The following NR3C2 variants were observed in gnomAD, a reference collection of about 807,000 sequenced individuals.
NR3C2 encodes the protein nuclear receptor subfamily 3 group C member 2.
A neutral mutation model predicts 86.4 loss-of-function variants in NR3C2; 15 were observed. That is an observed-to-expected ratio of 0.17 (90% CI 0.12 to 0.27). The LOEUF is 0.27. Ranked by LOEUF, NR3C2 falls within the 10% of genes least tolerant of loss-of-function variation. The pLI, the probability that NR3C2 is intolerant of heterozygous loss-of-function variation, is 1.00. For synonymous variants in NR3C2, 458 were observed against 450.5 expected (o/e 1.02, Z -0.21); for missense variants, 960 against 1,195.6 (o/e 0.80, Z 2.91).
At chr4:148,275,429 C>T (rs1740910208) in intron 2 of NR3C2, among the ~76,000 whole-genome samples, 2 of 151,554 alleles carry the variant, frequency 1.3e-5, no homozygotes, top group South Asian at 2.1e-4. Context: ...CCAATCTTAT[C>T]TTATCTTTTT....
At chr4:148,282,896 A>G (rs1488077298) in intron 2 of NR3C2, among the ~76,000 whole-genome samples, 5 of 152,194 alleles carry the variant, frequency 3.3e-5, no homozygotes, top group Non-Finnish European at 7.3e-5. Flanking sequence ...ACTGCAAAAA[A>G]GAGGCAAAGG....
chr4:148,182,332 C>T (rs542847567), intron 4 of NR3C2, among the ~76,000 whole-genome samples: 6 of 151,878 alleles, frequency 4.0e-5, no homozygotes, highest in African/African-American at 1.2e-4. Flanking sequence ...AGCAAGACTT[C>T]GAAATAAATC....
chr4:148,254,927 C>G (rs1739755124), intron 3 of NR3C2, among the ~76,000 whole-genome samples: 1 of 152,018 alleles, frequency 6.6e-6, no homozygotes, highest in Admixed American at 6.5e-5. Flanking sequence ...AATTATTCCC[C>G]CTACTTTATC....
chr4:148,309,426 G>A (rs1003439136), intron 2 of NR3C2, among the ~76,000 whole-genome samples: 6 of 151,690 alleles, frequency 4.0e-5, no homozygotes, highest in Non-Finnish European at 7.4e-5. Flanking sequence ...GTGTTTTTAT[G>A]AATAGAATTA....
intron 6 of NR3C2, among the ~76,000 whole-genome samples, chr4:148,149,473 T>C (rs1294048134): frequency 6.6e-6 from 1 of 152,222 alleles, no homozygotes; most frequent in Admixed American, 6.5e-5. Context: ...TGTAATTGTT[T>C]GGAGCCCTTT....
chr4:148,444,776 C>G (rs1750506369), upstream of NR3C2: 2 of 984,888 alleles, frequency 2.0e-6, no homozygotes, highest in Non-Finnish European at 2.4e-6. Context: ...CCGCCCGCCC[C>G]CAGCGGCGGC....
rs571483981 is a variant in NR3C2, at chr4:148,271,402, G to A, written c.1758-11285C>T. ...TTTTTCTCAGGGTTTGAAGTTTGGG[G>A]TTGTTTCTTTGACTTCCTCCCTCCA... On this transcript the variant is annotated intron_variant, in intron 2 of 8. Transcript: ENST00000358102. Among the ~76,000 whole-genome samples the A allele has an allele frequency of 6.6e-5, 10 of 152,188 alleles. No individual in the cohort carries two copies. In the South Asian group the frequency reaches 2.1e-3, roughly 32 times the overall value.
At chr4:148,408,739 A>G (rs1748543031) in intron 2 of NR3C2, among the ~76,000 whole-genome samples, 1 of 152,142 alleles carries the variant, frequency 6.6e-6, no homozygotes, top group Non-Finnish European at 1.5e-5. Context: ...AAATGAAATA[A>G]CCCATAATAT....
chr4:148,385,727 C>T (rs1257367093), intron 2 of NR3C2, among the ~76,000 whole-genome samples: 2 of 152,124 alleles, frequency 1.3e-5, no homozygotes, highest in Non-Finnish European at 2.9e-5. Context: ...CCTCCTGCAC[C>T]TCAGCTGCAC....
chr4:148,180,238 A>C (rs1735585882), intron 4 of NR3C2, among the ~76,000 whole-genome samples: 1 of 151,802 alleles, frequency 6.6e-6, no homozygotes, highest in African/African-American at 2.4e-5. Flanking sequence ...GCTGGCAGGT[A>C]AAGCCAATTT....
At chr4:148,251,588 A>G (rs1251904704) in intron 3 of NR3C2, among the ~76,000 whole-genome samples, 3 of 152,182 alleles carry the variant, frequency 2.0e-5, no homozygotes, top group African/African-American at 7.2e-5. Context: ...CATTCTCCCA[A>G]TGGTTCTCTG....
intron 4 of NR3C2, among the ~76,000 whole-genome samples, chr4:148,188,750 C>T (rs1578990870): frequency 1.3e-5 from 2 of 152,066 alleles, no homozygotes; most frequent in Admixed American, 1.3e-4. Context: ...ATCGCTCTGG[C>T]TAGGACTTCC....
intron 6 of NR3C2, among the ~76,000 whole-genome samples, chr4:148,122,558 C>A (rs1732555564): frequency 6.6e-6 from 1 of 152,162 alleles, no homozygotes; most frequent in African/African-American, 2.4e-5. Flanking sequence ...ACCATTTTAA[C>A]TTACTTTCCT....
chr4:148,330,932 A>C lies in NR3C2; in HGVS notation c.1758-70815T>G, dbSNP rs368754598. On this transcript the variant is annotated intron_variant, in intron 2 of 8. Coordinates refer to ENST00000358102, the MANE Select transcript of NR3C2 (RefSeq NM_000901.5). ...CATGTGACTCACCTACTCCACCTTC[A>C]CCTTCCGCCTTGATTTTAAGCTTCT... Among the ~76,000 whole-genome samples, 152 of 152,102 alleles carry C rather than the reference A, an allele frequency of 1.0e-3. 1 individual carries two copies. The highest frequency in any genetic ancestry group is 3.4e-3 in the African/African-American group (139 of 41,476).
intron 2 of NR3C2, among the ~76,000 whole-genome samples, chr4:148,262,795 C>A (rs1280340896): frequency 6.6e-6 from 1 of 152,094 alleles, no homozygotes; most frequent in South Asian, 2.1e-4. Context: ...GCAGGGAGTC[C>A]GTGCTTGGGC....
chr4:148,125,991 T>C (rs551112692), intron 6 of NR3C2, among the ~76,000 whole-genome samples: 4 of 152,350 alleles, frequency 2.6e-5, no homozygotes, highest in African/African-American at 4.8e-5. Context: ...TAAAGCAAAT[T>C]GGAAAATCAG....
intron 2 of NR3C2, among the ~76,000 whole-genome samples, chr4:148,384,734 A>G (rs1343658104): frequency 6.6e-6 from 1 of 152,224 alleles, no homozygotes; most frequent in Non-Finnish European, 1.5e-5. Flanking sequence ...TATAAATGGA[A>G]AAAAGTGAAT....
chr4:148,263,118 T>A lies in NR3C2; in HGVS notation c.1758-3001A>T, dbSNP rs547693294. 5.9e-5 allele frequency among the ~76,000 whole-genome samples: 9 copies of A among 152,288 alleles called. 1 individual carries two copies. In the South Asian group the frequency reaches 1.9e-3, roughly 32 times the overall value. ...TTTATTTCTATACTCTATCCCTTAA[T>A]GATCTCATCCACAATCCTAGCTTCA... is the stretch of plus-strand genomic sequence containing the variant. On this transcript the variant is annotated intron_variant, in intron 2 of 8. Transcript: ENST00000358102.
intron 2 of NR3C2, among the ~76,000 whole-genome samples, chr4:148,364,732 AC>A (rs1746021810): frequency 1.3e-5 from 2 of 151,930 alleles, no homozygotes; most frequent in South Asian, 4.2e-4. Context: ...ATATGGCCTG[AC>A]TGTCCAAGGT....
Sources: allele counts gnomAD v4.1 joint callset (sites outside exome capture counted in the v4.1 genomes callset), GRCh38; gene constraint gnomAD v4.1.1; transcripts MANE v1.5; gene names NCBI Gene and HGNC (gene_info 2026-07-23, HGNC 2026-07-21).